Variants in CADM2 observed in about 807,000 individuals in gnomAD.
CADM2 encodes immunoglobulin superfamily member 4D.
CADM2 carries 12 observed loss-of-function variants against 49.8 expected under a neutral mutation model. The observed-to-expected ratio is 0.24, with a 90% CI of 0.15 to 0.39. The LOEUF (loss-of-function observed/expected upper bound fraction) is 0.39, where lower values mean the gene tolerates loss of function less well. CADM2 is among the 10% of genes least tolerant of loss of function. The pLI is 1.00. For missense variants in CADM2, 378 were observed against 492.3 expected, an observed-to-expected ratio of 0.77 and a Z score of 2.20; for synonymous variants, 214 against 175.4, an observed-to-expected ratio of 1.22 and a Z score of -1.74.
chr3:85,873,274 A>C (rs2075998247), intron 3 of CADM2, among the ~76,000 whole-genome samples: 3 of 152,218 alleles, frequency 2.0e-5, no homozygotes, highest in Non-Finnish European at 4.4e-5. Context: ...GTAACTTAGT[A>C]TAAATAGAAT....
chr3:85,477,348 T>A (rs1259359233), intron 1 of CADM2, among the ~76,000 whole-genome samples: 2 of 151,186 alleles, frequency 1.3e-5, no homozygotes, highest in Admixed American at 1.3e-4. Context: ...TTGTCAACAT[T>A]CTTACATATC....
chr3:85,451,374 G>T (rs1389447784), intron 1 of CADM2, among the ~76,000 whole-genome samples: 1 of 151,990 alleles, frequency 6.6e-6, no homozygotes, highest in African/African-American at 2.4e-5. Flanking sequence ...TTTAGGAAAA[G>T]GAATATATTT....
intron 1 of CADM2, among the ~76,000 whole-genome samples, chr3:85,251,691 T>C (rs1441765954): frequency 6.6e-6 from 1 of 152,012 alleles, no homozygotes; most frequent in African/African-American, 2.4e-5. Flanking sequence ...TGCTGACCAG[T>C]ATCTTTACAG....
Position 85,450,926 on chromosome 3 carries a change from G to A in CADM2, c.62-275596G>A, listed in dbSNP as rs143200211. Among the ~76,000 whole-genome samples, 542 of 152,036 alleles carry A rather than the reference G, an allele frequency of 3.6e-3. 6 individuals carry two copies. The highest frequency in any genetic ancestry group is 0.012 in the African/African-American group (507 of 41,516). On this transcript the variant is annotated intron_variant, in intron 1 of 9. Transcript: ENST00000383699. ...AATTTCTCAATATTGTTAATTATTGGTTAAACATATCAAACTGGAACAGTT... is the reference window on the plus strand; with the variant it reads ...AATTTCTCAATATTGTTAATTATTGATTAAACATATCAAACTGGAACAGTT...
chr3:85,583,300 C>G (rs1219356471), intron 1 of CADM2, among the ~76,000 whole-genome samples: 1 of 152,002 alleles, frequency 6.6e-6, no homozygotes, highest in Non-Finnish European at 1.5e-5. Flanking sequence ...TTTTTGAGAA[C>G]CAGGGTTGGA....
At chr3:85,501,103 C>G (rs937556553) in intron 1 of CADM2, among the ~76,000 whole-genome samples, 9 of 152,100 alleles carry the variant, frequency 5.9e-5, no homozygotes, top group East Asian at 1.9e-4. Context: ...AACCAAAAAT[C>G]TGAAGTACTC....
At chr3:85,356,837 A>C (rs181896692) in intron 1 of CADM2, among the ~76,000 whole-genome samples, 169 of 152,262 alleles carry the variant, frequency 1.1e-3, no homozygotes, top group Non-Finnish European at 2.0e-3. Flanking sequence ...TATAAATGCA[A>C]GATTACTTAA....
At chr3:85,323,302 G>A (rs550035623) in intron 1 of CADM2, among the ~76,000 whole-genome samples, 17 of 152,152 alleles carry the variant, frequency 1.1e-4, no homozygotes, top group African/African-American at 4.1e-4. Flanking sequence ...GACCTATTTG[G>A]TAGCATTTAA....
At chr3:85,528,707 C>T (rs920757683) in intron 1 of CADM2, among the ~76,000 whole-genome samples, 3 of 152,150 alleles carry the variant, frequency 2.0e-5, no homozygotes, top group Non-Finnish European at 4.4e-5. Flanking sequence ...TAAAGATTCA[C>T]TTGGTTAAAA....
chr3:85,943,748 A>G (rs1042278612), intron 7 of CADM2, among the ~76,000 whole-genome samples: 3 of 152,036 alleles, frequency 2.0e-5, no homozygotes, highest in African/African-American at 2.4e-5. Context: ...AACGCCGCAT[A>G]TCTACAACTA....
At chr3:85,131,892 A>C (rs538183260) in intron 1 of CADM2, among the ~76,000 whole-genome samples, 1 of 152,168 alleles carries the variant, frequency 6.6e-6, no homozygotes, top group African/African-American at 2.4e-5. Flanking sequence ...TGTATAAAAA[A>C]AAAAAACAGG....
chr3:85,470,016 T>A (rs1345817283), intron 1 of CADM2, among the ~76,000 whole-genome samples: 1 of 152,172 alleles, frequency 6.6e-6, no homozygotes, highest in Non-Finnish European at 1.5e-5. Flanking sequence ...TCAGCTGAGA[T>A]GCTCAATCCT....
chr3:85,135,803 A>T (rs2039400744), intron 1 of CADM2, among the ~76,000 whole-genome samples: 2 of 152,038 alleles, frequency 1.3e-5, no homozygotes, highest in Non-Finnish European at 2.9e-5. Context: ...TTATACTTTC[A>T]TCAGTAGTGA....
intron 1 of CADM2, among the ~76,000 whole-genome samples, chr3:85,522,086 A>G (rs2061037531): frequency 1.3e-5 from 2 of 152,136 alleles, no homozygotes; most frequent in Admixed American, 1.3e-4. Flanking sequence ...TAGAAGTCTT[A>G]GCTATTTCAT....
At chr3:85,990,368 A>C (rs1383104725) in intron 8 of CADM2, among the ~76,000 whole-genome samples, 2 of 152,192 alleles carry the variant, frequency 1.3e-5, no homozygotes, top group African/African-American at 4.8e-5. Flanking sequence ...AGGCTAGGCT[A>C]AACTGTAATG....
At chr3:85,989,670 AT>A (rs1158752099) in intron 8 of CADM2, among the ~76,000 whole-genome samples, 3 of 152,126 alleles carry the variant, frequency 2.0e-5, no homozygotes, top group Non-Finnish European at 4.4e-5. Flanking sequence ...GTCAGATTAT[AT>A]TTTAGTTTTT....
chr3:85,628,403 G>A (rs1056773639), intron 1 of CADM2, among the ~76,000 whole-genome samples: 4 of 151,120 alleles, frequency 2.6e-5, no homozygotes, highest in African/African-American at 7.3e-5. Context: ...TAAAATCTCA[G>A]CATCTTAACT....
At chr3:86,031,561 A>G (rs1734562686) in intron 8 of CADM2, among the ~76,000 whole-genome samples, 1 of 151,856 alleles carries the variant, frequency 6.6e-6, no homozygotes, top group Non-Finnish European at 1.5e-5. Flanking sequence ...AATTGAATGT[A>G]TAATGTCAGT....
intron 1 of CADM2, among the ~76,000 whole-genome samples, chr3:85,238,345 T>G (rs2042455091): frequency 1.3e-5 from 2 of 151,990 alleles, no homozygotes; most frequent in African/African-American, 4.8e-5. Context: ...TCAACTTTTC[T>G]ATTTTTCACT....
Sources: allele counts gnomAD v4.1 joint callset (sites outside exome capture counted in the v4.1 genomes callset), GRCh38; gene constraint gnomAD v4.1.1; transcripts MANE v1.5; gene names NCBI Gene and HGNC (gene_info 2026-07-23, HGNC 2026-07-21).